SP7: variants seen among roughly 807,000 people sequenced by gnomAD.
The protein encoded by SP7 is transcription factor Sp7.
In SP7, 13 loss-of-function variants were observed where a neutral mutation model predicts 27.9. The observed-to-expected ratio is 0.47, with a 90% CI of 0.30 to 0.74. The LOEUF (loss-of-function observed/expected upper bound fraction) is 0.74. Among genes scored for constraint, SP7 ranks in the 30% least tolerant of loss-of-function variants. SP7 has a pLI of 0.06. For synonymous variants in SP7, 219 were observed against 226.7 expected (o/e 0.97, Z 0.31); for missense variants, 525 against 558.0 (o/e 0.94, Z 0.60).
upstream of SP7, among the ~76,000 whole-genome samples, chr12:53,339,180 C>T (rs1257611106): frequency 1.3e-5 from 2 of 152,314 alleles, no homozygotes; most frequent in African/African-American, 2.4e-5. Context: ...CCTCAGCCTC[C>T]GCCCATGGCC....
chr12:53,330,164 T>C (rs565417472), intron 2 of SP7, among the ~76,000 whole-genome samples: 7 of 152,294 alleles, frequency 4.6e-5, no homozygotes. Flanking sequence ...TTCTCCTGCC[T>C]CAGCCTCCCA....
chr12:53,339,408 G>A (rs1944802866), upstream of SP7, among the ~76,000 whole-genome samples: 1 of 152,200 alleles, frequency 6.6e-6, no homozygotes, highest in Non-Finnish European at 1.5e-5. Flanking sequence ...GGAAAGATCA[G>A]TGGGGTGAAA....
chr12:53,338,848 T>A (rs576479407), upstream of SP7, among the ~76,000 whole-genome samples: 97 of 152,212 alleles, frequency 6.4e-4, no homozygotes, highest in African/African-American at 2.3e-3. Flanking sequence ...GCTGCTGCCC[T>A]CAGGAACCCC....
chr12:53,331,148 T>G (rs2136839330), intron 2 of SP7, among the ~76,000 whole-genome samples: 1 of 152,236 alleles, frequency 6.6e-6, no homozygotes, highest in African/African-American at 2.4e-5. Flanking sequence ...AAGACATGGA[T>G]GTAGTATATG....
upstream of SP7, among the ~76,000 whole-genome samples, chr12:53,337,516 A>C (rs139496121): frequency 4.2e-3 from 646 of 152,302 alleles, 3 homozygotes; most frequent in African/African-American, 0.015. Flanking sequence ...ATTCCTTAAC[A>C]CACACTTCTC....
Position 53,328,538 on chromosome 12 carries a change from C to G in SP7, c.904G>C (p.Gly302Arg). The G allele has an allele frequency of 6.2e-7, 1 of 1,612,992 alleles. No individual in the cohort carries two copies. Among genetic ancestry groups the G allele is most frequent in the Non-Finnish European group, 8.5e-7 (1 of 1,179,116 alleles). Residue 302 changes from glycine (G) to arginine (R), a missense_variant, in exon 3 of 3, where the codon GGC (glycine) becomes CGC (arginine). Gly to Arg is a moderately radical substitution (Grantham distance 125). Coordinates refer to ENST00000536324, the MANE Select transcript of SP7 (RefSeq NM_001173467.3). This position sits in a 1 kb window ranked among gnomAD's most constrained non-coding sequence, Gnocchi z 5.1. The stretch of plus-strand genomic sequence containing the variant: ...TGCGAAGCCTTGCCATACACCTTGC[C>G]GCAGCCAGGGATGTGGCAGCTGTGG... ...PIHSCHIPGC[G>R]KVYGKASHLK...
At position 53,344,604 on chromosome 12, in the gene SP7, G is replaced by A. The variant is rs142245021; in HGVS notation, c.-34+510C>T. 2.9e-3 allele frequency among the ~76,000 whole-genome samples: 436 copies of A among 152,296 alleles called. 3 individuals are homozygous for A. The highest frequency in any genetic ancestry group is 7.3e-3 in the Admixed American group (112 of 15,290). ...CCATCCACCCCCACCTCGCGTGGACGTGTGAGGCAAGAAGGACGGTTGAAG... is the reference window on the plus strand; with the variant it reads ...CCATCCACCCCCACCTCGCGTGGACATGTGAGGCAAGAAGGACGGTTGAAG... On this transcript the variant is annotated intron_variant, in intron 1 of 1. Coordinates refer to the SP7 transcript ENST00000547755. The surrounding 1 kb of genome is among the most constrained non-coding windows in gnomAD (Gnocchi z 4.6).
upstream of SP7, among the ~76,000 whole-genome samples, chr12:53,338,281 C>A (rs1460303949): frequency 6.6e-6 from 1 of 152,140 alleles, no homozygotes; most frequent in Non-Finnish European, 1.5e-5. Flanking sequence ...GCGGTCTCCC[C>A]CTTGTTGGGG....
upstream of SP7, among the ~76,000 whole-genome samples, chr12:53,336,634 A>C (rs1287178301): frequency 1.3e-5 from 2 of 152,040 alleles, no homozygotes; most frequent in African/African-American, 4.8e-5. Flanking sequence ...CACTGGAGGC[A>C]CACGCACCAC....
chr12:53,328,446 G>A lies in SP7; in HGVS notation c.996C>T (p.Gly332=). Residue 332 remains glycine, a synonymous_variant, in exon 3 of 3, where the codon GGC becomes GGT. Transcript: ENST00000536324. This position sits in a 1 kb window ranked among gnomAD's most constrained non-coding sequence, Gnocchi z 5.1. The part of the protein sequence containing the change: ...RPFVCNWLFC[G]KRFTRSDELE... ...GCTCATCCGAACGAGTGAACCTCTT[G>A]CCGCAGAAGAGCCAGTTGCAGACGA... The A allele has an allele frequency of 6.2e-7, 1 of 1,613,954 alleles. No homozygotes were observed. The highest frequency in any genetic ancestry group is 8.5e-7 in the Non-Finnish European group (1 of 1,179,890).
chr12:53,335,687 G>A lies in SP7; in HGVS notation c.-41C>T, dbSNP rs1944760624. The A allele has an allele frequency of 8.3e-7, 1 of 1,209,632 alleles. No individual in the cohort carries two copies. Among genetic ancestry groups the A allele is most frequent in the Non-Finnish European group, 1.1e-6 (1 of 885,898 alleles). 74.9% of individuals were successfully genotyped at this position (1,209,632 alleles called of 1,614,324 possible). ...CGGGTCCCAAGGAGCCAGGCAGATG[G>A]AGAGAGCTGAGCCGGGGGGTGGGGG... On this transcript the variant is annotated 5_prime_UTR_variant, in exon 2 of 3. Transcript: ENST00000536324.
chr12:53,343,444 G>A (rs896073280), intron 1 of SP7, among the ~76,000 whole-genome samples: 6 of 152,176 alleles, frequency 3.9e-5, no homozygotes, highest in African/African-American at 7.2e-5. Context: ...AGAGCCAGGC[G>A]GTTCTGGGTA....
upstream of SP7, among the ~76,000 whole-genome samples, chr12:53,338,165 C>T (rs1402653674): frequency 7.4e-6 from 1 of 135,990 alleles, no homozygotes; most frequent in Non-Finnish European, 1.6e-5. Flanking sequence ...GGTGGGGGGG[C>T]GGGGAAGGAG....
intron 2 of SP7, 107 bp from the exon 3 acceptor site, chr12:53,329,527 GT>G (rs1356542618): frequency 1.0e-6 from 1 of 961,480 alleles, no homozygotes; most frequent in Non-Finnish European, 1.6e-6. Flanking sequence ...GAACAGAGGG[GT>G]CAGGGAAGAG....
intron 1 of SP7, 74 bp downstream of exon 1, chr12:53,336,072 C>T (rs550094211): frequency 5.1e-4 from 100 of 195,988 alleles, no homozygotes; most frequent in African/African-American, 1.7e-3. Flanking sequence ...TGGTGGACCC[C>T]GGTGTCCTAC....
In SP7 at chr12:53,335,693, G is replaced by T; in HGVS notation, c.-47C>A. ...CCAAGGAGCCAGGCAGATGGAGAGA[G>T]CTGAGCCGGGGGGTGGGGGGGGTAG... On this transcript the variant is annotated splice_region_variant and 5_prime_UTR_variant, in exon 2 of 3. Coordinates refer to ENST00000536324, the MANE Select transcript of SP7 (RefSeq NM_001173467.3). 2 of 1,394,532 alleles carry T rather than the reference G, an allele frequency of 1.4e-6. No homozygotes were observed. 86.4% of individuals were successfully genotyped at this position (1,394,532 alleles called of 1,614,324 possible).
chr12:53,340,548 C>G (rs1592538316), upstream of SP7, among the ~76,000 whole-genome samples: 2 of 152,284 alleles, frequency 1.3e-5, no homozygotes, highest in African/African-American at 4.8e-5. Context: ...GCATCCCTAC[C>G]CCCACCCAGG....
At position 53,331,470 on chromosome 12, in the gene SP7, C is replaced by CAG. The variant is rs1555193137; in HGVS notation, c.22-2051_22-2050insCT. ...TAGGCTACAGAGCAAGACTCCATCT[C>CAG]AAAAAAAAAAAAAAAAAAGAAAGGC... On this transcript the variant is annotated intron_variant, in intron 2 of 2. Transcript: ENST00000536324. Among the ~76,000 whole-genome samples the CAG allele has an allele frequency of 2.0e-4, 21 of 105,356 alleles. No homozygotes were observed. The East Asian group carries it at 5.8e-3, about 29-fold the overall frequency. 69.1% of individuals were successfully genotyped at this position (105,356 alleles called of 152,430 possible). A position where few individuals can be genotyped will look rare whatever the true frequency, so the allele number is the denominator to read the frequency against.
At chr12:53,330,013 C>T (rs1462081316) in intron 2 of SP7, among the ~76,000 whole-genome samples, 1 of 151,936 alleles carries the variant, frequency 6.6e-6, no homozygotes, top group African/African-American at 2.4e-5. Flanking sequence ...GAATTACAGG[C>T]ATGAGCCACT....
Sources: allele counts gnomAD v4.1 joint callset (sites outside exome capture counted in the v4.1 genomes callset), GRCh38; gene constraint gnomAD v4.1.1; non-coding constraint Gnocchi (gnomAD v3.1); transcripts MANE v1.5; gene names NCBI Gene and HGNC (gene_info 2026-07-23, HGNC 2026-07-21).